The following SPAG16 variants were observed in gnomAD, a reference collection of about 807,000 sequenced individuals.
SPAG16 encodes the protein sperm-associated antigen 16 protein.
Under a neutral mutation model 80.4 loss-of-function variants are expected in SPAG16, and 86 were observed. The ratio of observed to expected loss-of-function variants is 1.07; its 90% CI spans 0.90 to 1.28. SPAG16 has a LOEUF of 1.28. Ranked by LOEUF, SPAG16 falls within the 50% of genes most tolerant of loss-of-function variation. The probability of loss-of-function intolerance (pLI) is 0.00; values close to 1 mark genes in which losing one functional copy is unlikely to be tolerated. For missense variants in SPAG16, 870 were observed against 765.3 expected, an observed-to-expected ratio of 1.14 and a Z score of -1.61; for synonymous variants, 294 against 265.9, an observed-to-expected ratio of 1.11 and a Z score of -1.03.
At chr2:213,674,508 A>T (rs566863079) in intron 10 of SPAG16, among the ~76,000 whole-genome samples, 1 of 150,514 alleles carries the variant, frequency 6.6e-6, no homozygotes, top group East Asian at 1.9e-4. Flanking sequence ...AGCATTAGGT[A>T]TATCTCCCAA....
intron 15 of SPAG16, among the ~76,000 whole-genome samples, chr2:214,170,188 G>T (rs1324628017): frequency 7.3e-6 from 1 of 136,550 alleles, no homozygotes; most frequent in Non-Finnish European, 1.7e-5. Flanking sequence ...ATACACTTAG[G>T]TGTGTATACA....
chr2:213,887,824 G>A (rs928073575), intron 11 of SPAG16, among the ~76,000 whole-genome samples: 2 of 151,676 alleles, frequency 1.3e-5, no homozygotes, highest in Non-Finnish European at 3.0e-5. Context: ...TTAACGGATG[G>A]TAGAGTTTGT....
intron 9 of SPAG16, among the ~76,000 whole-genome samples, chr2:213,379,107 T>C (rs2067035828): frequency 6.6e-6 from 1 of 152,144 alleles, no homozygotes; most frequent in Admixed American, 6.5e-5. Flanking sequence ...GATGGCAGCG[T>C]TCCTCCCTCT....
chr2:213,917,434 T>C (rs2078021626), intron 11 of SPAG16, among the ~76,000 whole-genome samples: 1 of 152,226 alleles, frequency 6.6e-6, no homozygotes, highest in African/African-American at 2.4e-5. Context: ...GTTGTCTGTG[T>C]CACCTCTGAT....
intron 14 of SPAG16, among the ~76,000 whole-genome samples, chr2:214,146,647 G>A (rs192738316): frequency 1.1e-4 from 16 of 152,168 alleles, no homozygotes; most frequent in South Asian, 4.1e-4. Context: ...CTGTTCTTCC[G>A]TTACCAAGTA....
intron 13 of SPAG16, among the ~76,000 whole-genome samples, chr2:214,059,186 C>CGATATATATATATATATA (rs2050102081): frequency 8.7e-6 from 1 of 114,390 alleles, no homozygotes; most frequent in African/African-American, 3.5e-5. Flanking sequence ...CTCTCTCTGT[C>CGATATATATATATATATA]TATATATATA....
At chr2:213,327,256 C>G (rs1412234203) in intron 5 of SPAG16, among the ~76,000 whole-genome samples, 1 of 151,110 alleles carries the variant, frequency 6.6e-6, no homozygotes, top group Non-Finnish European at 1.5e-5. Flanking sequence ...ATATTTTAAA[C>G]TTTATTCTTT....
At position 213,284,629 on chromosome 2, in the gene SPAG16, C is replaced by T. The variant is rs1465527252; in HGVS notation, c.136+10C>T. The T allele has an allele frequency of 6.2e-7, 1 of 1,603,836 alleles. No homozygotes were observed. The highest frequency in any genetic ancestry group is 2.2e-5 in the East Asian group (1 of 44,664). On this transcript the variant is annotated intron_variant, in intron 1 of 15. Transcript: ENST00000331683. ...GCCTACTACCTGGAACGTATCCTTC[C>T]CGTGGAGGCGCGGCCCGCTGCGCTG...
chr2:213,903,895 A>T (rs891724191), intron 11 of SPAG16, among the ~76,000 whole-genome samples: 20 of 152,134 alleles, frequency 1.3e-4, no homozygotes, highest in Non-Finnish European at 2.9e-5. Context: ...AGTTCCACAC[A>T]TCTCTAGGGC....
chr2:213,785,065 CAT>C (rs1442022327), intron 10 of SPAG16, among the ~76,000 whole-genome samples: 3 of 152,044 alleles, frequency 2.0e-5, no homozygotes, highest in Admixed American at 6.6e-5. Context: ...CTATACCTCT[CAT>C]ATAAAATTCA....
intron 7 of SPAG16, 129 bp downstream of exon 7, chr2:213,350,774 A>T (rs962519334): frequency 3.4e-5 from 19 of 565,384 alleles, no homozygotes; most frequent in African/African-American, 3.3e-4. Flanking sequence ...TGTAAAAGAG[A>T]TCCATTTGGA....
At position 214,042,167 on chromosome 2, in the gene SPAG16, C is replaced by A. The variant is rs898734235; in HGVS notation, c.1527+28090C>A. ...GTGGCACGATCTTGAATTACTGCAA[C>A]CTCTATCTCCTGGGTTCGTGGGTCC... On this transcript the variant is annotated intron_variant, in intron 13 of 15. Transcript: ENST00000331683. 5.3e-5 allele frequency among the ~76,000 whole-genome samples: 8 copies of A among 150,842 alleles called. No homozygotes were observed. In the South Asian group the frequency reaches 1.5e-3, roughly 28 times the overall value.
At chr2:213,659,642 C>G (rs916840945) in intron 10 of SPAG16, among the ~76,000 whole-genome samples, 1 of 152,146 alleles carries the variant, frequency 6.6e-6, no homozygotes, top group African/African-American at 2.4e-5. Context: ...CACAAAGCAA[C>G]TTCCTGGACT....
rs35795865 is a variant in SPAG16 at position 213,867,926 on chromosome 2, C to CAAAA, written c.1214+5319_1214+5322dup. Among the ~76,000 whole-genome samples, 306 of 45,358 alleles carry CAAAA rather than the reference C, an allele frequency of 6.7e-3. 5 individuals are homozygous for CAAAA. The highest frequency in any genetic ancestry group is 0.011 in the African/African-American group (156 of 14,510). 29.8% of individuals were successfully genotyped at this position (45,358 alleles called of 152,430 possible). On this transcript the variant is annotated intron_variant, in intron 11 of 15. Transcript: ENST00000331683. ...GTGACAGAGCAAGACTCTGTCTCAA[C>CAAAA]AAAAAAAAAAAAAAAAAAAAAAAAG...
chr2:214,393,018 A>G (rs1356933657), intron 15 of SPAG16, among the ~76,000 whole-genome samples: 1 of 152,198 alleles, frequency 6.6e-6, no homozygotes, highest in Non-Finnish European at 1.5e-5. Context: ...TAAAGTAGGT[A>G]TTGCTGGGAA....
intron 10 of SPAG16, among the ~76,000 whole-genome samples, chr2:213,698,178 A>C (rs1040285826): frequency 2.0e-5 from 3 of 151,736 alleles, no homozygotes; most frequent in Non-Finnish European, 4.4e-5. Flanking sequence ...TTGCTCTCTG[A>C]CCGTTCTTCT....
At chr2:213,737,633 G>A (rs1465442180) in intron 10 of SPAG16, among the ~76,000 whole-genome samples, 2 of 151,750 alleles carry the variant, frequency 1.3e-5, no homozygotes. Flanking sequence ...GACTATAGGC[G>A]CCCGCCACCA....
At chr2:213,335,841 G>A (rs1270540546) in intron 5 of SPAG16, among the ~76,000 whole-genome samples, 2 of 151,882 alleles carry the variant, frequency 1.3e-5, no homozygotes, top group Non-Finnish European at 2.9e-5. Context: ...TAACAGTAGA[G>A]GTCATTTTTA....
At chr2:214,068,700 A>G (rs2050643418) in intron 13 of SPAG16, among the ~76,000 whole-genome samples, 1 of 152,184 alleles carries the variant, frequency 6.6e-6, no homozygotes, top group South Asian at 2.1e-4. Context: ...ATGACTGGCA[A>G]TTATAAAAGC....
Sources: allele counts gnomAD v4.1 joint callset (sites outside exome capture counted in the v4.1 genomes callset), GRCh38; gene constraint gnomAD v4.1.1; transcripts MANE v1.5; gene names NCBI Gene and HGNC (gene_info 2026-07-23, HGNC 2026-07-21).